Variants in KCNH5 observed in about 807,000 individuals in gnomAD.
The protein encoded by KCNH5 is potassium voltage-gated channel subfamily H member 5, also known as voltage-gated delayed rectifier potassium channel KCNH5.
Under a neutral mutation model 96.1 loss-of-function variants are expected in KCNH5, and 46 were observed. That is an observed-to-expected ratio of 0.48 (90% CI 0.38 to 0.61). The LOEUF is 0.61. Among genes scored for constraint, KCNH5 ranks in the 20% least tolerant of loss-of-function variants. KCNH5 has a pLI of 0.00. For missense variants in KCNH5, 907 were observed against 1,225.8 expected (o/e 0.74, Z 3.88); for synonymous variants, 439 against 449.8 (o/e 0.98, Z 0.30).
At chr14:62,919,543 T>C (rs1595684674) in intron 7 of KCNH5, among the ~76,000 whole-genome samples, 1 of 152,302 alleles carries the variant, frequency 6.6e-6, no homozygotes, top group East Asian at 1.9e-4. Flanking sequence ...GGTGGCTTTC[T>C]GCAAGTTACT....
At chr14:62,846,789 CTTTTTTTTTTTTTTT>C (rs766919022) in intron 8 of KCNH5, among the ~76,000 whole-genome samples, 3 of 67,464 alleles carry the variant, frequency 4.4e-5, no homozygotes, top group African/African-American at 6.6e-5. Context: ...TGTATTGTAT[CTTTTTTTTTTTTTTT>C]TTTTTTTTTT....
chr14:62,759,278 A>C (rs1566651368), intron 10 of KCNH5, among the ~76,000 whole-genome samples: 3 of 152,204 alleles, frequency 2.0e-5, no homozygotes, highest in Admixed American at 6.5e-5. Context: ...AGGATTGAAT[A>C]GTCCCACTGT....
intron 7 of KCNH5, among the ~76,000 whole-genome samples, chr14:62,899,622 G>A (rs1186844134): frequency 6.6e-6 from 1 of 151,810 alleles, no homozygotes; most frequent in Non-Finnish European, 1.5e-5. Flanking sequence ...ACGAGGTCAG[G>A]AGATCGAGAC....
chr14:62,962,042 G>A (rs1422396155), intron 6 of KCNH5, among the ~76,000 whole-genome samples: 3 of 151,662 alleles, frequency 2.0e-5, no homozygotes, highest in Non-Finnish European at 4.4e-5. Context: ...GATGCAGATG[G>A]AGACGGAGAT....
intron 6 of KCNH5, among the ~76,000 whole-genome samples, chr14:62,980,472 T>C (rs1890584891): frequency 6.6e-6 from 1 of 152,212 alleles, no homozygotes; most frequent in South Asian, 2.1e-4. Flanking sequence ...AGAAAATACA[T>C]CTATTTATTA....
chr14:62,792,514 G>A (rs533206092), intron 9 of KCNH5, among the ~76,000 whole-genome samples: 1 of 151,584 alleles, frequency 6.6e-6, no homozygotes, highest in African/African-American at 2.4e-5. Context: ...CCAAATATAT[G>A]CCTAAATCAA....
chr14:62,972,371 A>T (rs1890425492), intron 6 of KCNH5, among the ~76,000 whole-genome samples: 1 of 152,254 alleles, frequency 6.6e-6, no homozygotes, highest in African/African-American at 2.4e-5. Flanking sequence ...AAGGATGTGG[A>T]ACAACAGAAA....
chr14:62,944,094 A>G lies in KCNH5; in HGVS notation c.1369+6039T>C, dbSNP rs573970680. On this transcript the variant is annotated intron_variant, in intron 7 of 10. Coordinates refer to ENST00000322893, the MANE Select transcript of KCNH5 (RefSeq NM_139318.5). Reference sequence around the variant, plus strand: ...GATATATGAACAAGGAAAACTTTTGAGACTGTAGTCTTAGACAGAGCCCAC... The same window carrying G: ...GATATATGAACAAGGAAAACTTTTGGGACTGTAGTCTTAGACAGAGCCCAC... 3.9e-5 allele frequency among the ~76,000 whole-genome samples: 6 copies of G among 152,224 alleles called. No individual in the cohort carries two copies. In the South Asian group the frequency reaches 1.2e-3, roughly 32 times the overall value.
intron 10 of KCNH5, among the ~76,000 whole-genome samples, chr14:62,750,095 G>C (rs1194949816): frequency 6.6e-6 from 1 of 152,144 alleles, no homozygotes; most frequent in African/African-American, 2.4e-5. Flanking sequence ...TCTGGGTATA[G>C]TCTGTTTGCC....
intron 7 of KCNH5, among the ~76,000 whole-genome samples, chr14:62,864,426 C>T (rs955899652): frequency 1.8e-4 from 27 of 152,218 alleles, no homozygotes; most frequent in African/African-American, 6.3e-4. Flanking sequence ...CCACTGTTTT[C>T]TTTTCTTGCT....
At position 62,950,325 on chromosome 14, in the gene KCNH5, C is replaced by T. The variant is rs2140130459; in HGVS notation, c.1177G>A (p.Ala393Thr). 6.2e-7 allele frequency: 1 copy of T among 1,614,002 alleles called. No individual in the cohort carries two copies. The highest frequency in any genetic ancestry group is 1.7e-4 in the Middle Eastern group (1 of 6,058). ...IQIDSWLYQL[A>T]LSIGTPYRYN... ...CGATATGGAGTCCCAATGCTCAAAG[C>T]CAGCTGGTAGAGCCAACTGTCTATT... is the stretch of plus-strand genomic sequence containing the variant. Residue 393 changes from alanine (A) to threonine (T), a missense_variant, in exon 7 of 11, where the codon GCT becomes ACT. Physicochemically the swap from Ala to Thr is moderately conservative, Grantham distance 58 (BLOSUM62 0). This residue lies in a region of KCNH5 where 370 missense variants were observed against 561.3 expected (regional missense o/e 0.66). Transcript: ENST00000322893.
chr14:62,926,030 A>G (rs577013481), intron 7 of KCNH5, among the ~76,000 whole-genome samples: 3 of 152,108 alleles, frequency 2.0e-5, no homozygotes, highest in Admixed American at 6.6e-5. Flanking sequence ...ATTGATAAAT[A>G]TTGTACGAAT....
intron 7 of KCNH5, among the ~76,000 whole-genome samples, chr14:62,924,936 G>C (rs1595686839): frequency 6.6e-6 from 1 of 151,980 alleles, no homozygotes; most frequent in East Asian, 1.9e-4. Context: ...AATTTGCTAA[G>C]AAAGTAGATC....
intron 10 of KCNH5, among the ~76,000 whole-genome samples, chr14:62,710,109 A>G (rs1884537307): frequency 6.6e-6 from 1 of 152,230 alleles, no homozygotes; most frequent in African/African-American, 2.4e-5. Context: ...AGTAACATAT[A>G]ATCATTGATT....
rs1555363115 is a variant in KCNH5, at chr14:62,910,941, A to ACCC, written c.1369+39189_1369+39191dup. Among the ~76,000 whole-genome samples the ACCC allele has an allele frequency of 9.9e-5, 14 of 140,888 alleles. No individual in the cohort carries two copies. The South Asian group carries it at 2.1e-3, about 21-fold the overall frequency. The allele number at this position is 140,888 out of a possible 152,430, so 92.4% of individuals were successfully genotyped here. A position where few individuals can be genotyped will look rare whatever the true frequency, so the allele number is the denominator to read the frequency against. On this transcript the variant is annotated intron_variant, in intron 7 of 10. Coordinates refer to ENST00000322893, the MANE Select transcript of KCNH5 (RefSeq NM_139318.5). Reference sequence around the variant, plus strand: ...CACACACACACACACACACACACACACCCCTCTGTTGTTCTGTCATCCTAT... The same window carrying ACCC: ...CACACACACACACACACACACACACACCCCCCCTCTGTTGTTCTGTCATCCTAT...
At chr14:62,903,523 C>T (rs1888969481) in intron 7 of KCNH5, among the ~76,000 whole-genome samples, 1 of 152,128 alleles carries the variant, frequency 6.6e-6, no homozygotes. Flanking sequence ...TATATCTAAG[C>T]TTTGGTTTCA....
chr14:62,816,431 A>G (rs1285873925), intron 8 of KCNH5, among the ~76,000 whole-genome samples: 1 of 151,996 alleles, frequency 6.6e-6, no homozygotes, highest in African/African-American at 2.4e-5. Context: ...CTCTCCCACT[A>G]TGCTGACACT....
chr14:62,886,772 T>G lies in KCNH5; in HGVS notation c.1370-36920A>C, dbSNP rs140806335. ...AAGACTTGGCTATGGTACAGTATAG[T>G]TTGAGGTTTATAAAGCACTTTGAAA... On this transcript the variant is annotated intron_variant, in intron 7 of 10. Transcript: ENST00000322893. Among the ~76,000 whole-genome samples the G allele has an allele frequency of 2.6e-3, 403 of 152,250 alleles. 3 individuals carry two copies. Among genetic ancestry groups the G allele is most frequent in the African/African-American group, 9.5e-3 (394 of 41,548 alleles).
intron 7 of KCNH5, among the ~76,000 whole-genome samples, chr14:62,876,909 T>G (rs1888385107): frequency 6.6e-6 from 1 of 152,218 alleles, no homozygotes; most frequent in Admixed American, 6.5e-5. Flanking sequence ...TCACATTATA[T>G]GTAAAAATTT....
Sources: allele counts gnomAD v4.1 joint callset (sites outside exome capture counted in the v4.1 genomes callset), GRCh38; gene constraint gnomAD v4.1.1; regional missense constraint gnomAD v4.1.1; transcripts MANE v1.5; gene names NCBI Gene and HGNC (gene_info 2026-07-23, HGNC 2026-07-21).